PPWD1: variants seen among roughly 807,000 people sequenced by gnomAD.
PPWD1 encodes the protein peptidylprolyl isomerase domain and WD repeat containing 1.
Under a neutral mutation model 68.8 loss-of-function variants are expected in PPWD1, and 43 were observed. The observed-to-expected ratio is 0.62, with a 90% CI of 0.49 to 0.81. The LOEUF is 0.81. PPWD1 is among the 30% of genes least tolerant of loss of function. PPWD1 has a pLI of 0.00. For synonymous variants in PPWD1, 232 were observed against 258.7 expected (o/e 0.90, Z 0.99); for missense variants, 672 against 804.8 (o/e 0.83, Z 2.00).
intron 2 of PPWD1, 156 bp from the exon 3 acceptor site, chr5:65,569,476 G>T: frequency 1.3e-6 from 1 of 752,008 alleles, no homozygotes; most frequent in Non-Finnish European, 1.9e-6. Flanking sequence ...AAAATTTGCA[G>T]TGTTCTGTAA....
intron 1 of PPWD1, among the ~76,000 whole-genome samples, chr5:65,566,247 A>G (rs1316194362): frequency 1.3e-5 from 2 of 152,208 alleles, no homozygotes; most frequent in Admixed American, 6.5e-5. Context: ...GTACCAAGAC[A>G]GGCAGGCAGT....
At chr5:65,575,659 C>CTA (rs33916564) in intron 5 of PPWD1, among the ~76,000 whole-genome samples, 94,147 of 151,864 alleles carry the variant, frequency 0.62, 29,433 homozygotes, top group South Asian at 0.65. Context: ...AAGATCGTTA[C>CTA]TCTTTTGGAA....
rs757410553 is a variant in PPWD1 at position 65,587,447 on chromosome 5, A to G, written c.*51A>G. 1.5e-6 allele frequency: 2 copies of G among 1,355,542 alleles called. No homozygotes were observed. Among genetic ancestry groups the G allele is most frequent in the African/African-American group, 3.0e-5 (2 of 67,274 alleles). The allele number at this position is 1,355,542 out of a possible 1,614,324, so 84.0% of individuals were successfully genotyped here. A position where few individuals can be genotyped will look rare whatever the true frequency, so the allele number is the denominator to read the frequency against. On this transcript the variant is annotated 3_prime_UTR_variant, in exon 11 of 11. Coordinates refer to ENST00000261308, the MANE Select transcript of PPWD1 (RefSeq NM_015342.4). ...CAAATAAAAATACAATATTAAACAG[A>G]TTATTTTACATTAGGAAGCTTAGGA... is the stretch of plus-strand genomic sequence containing the variant.
chr5:65,563,748 AAACT>A, intron 1 of PPWD1: 1 of 1,448,880 alleles, frequency 6.9e-7, no homozygotes, highest in Non-Finnish European at 9.4e-7. Context: ...ACAGATGCTA[AAACT>A]AACATTTTCC....
intron 1 of PPWD1, chr5:65,563,943 A>C (rs922350812): frequency 2.8e-6 from 3 of 1,088,968 alleles, no homozygotes; most frequent in Non-Finnish European, 4.0e-6. Context: ...ATTTCGAATC[A>C]TGGTAGGTAA....
intron 1 of PPWD1, chr5:65,563,950 G>T (rs1752495368): frequency 9.5e-7 from 1 of 1,047,590 alleles, no homozygotes; most frequent in Non-Finnish European, 1.4e-6. Context: ...ATCATGGTAG[G>T]TAAAGATAAT....
At chr5:65,571,659 A>G (rs997904463) in intron 4 of PPWD1, 180 bp from the exon 5 acceptor site, 1 of 704,966 alleles carries the variant, frequency 1.4e-6, no homozygotes, top group South Asian at 6.4e-5. Flanking sequence ...GGTCAGAAAG[A>G]GAAAAAATAA....
At chr5:65,572,879 T>C (rs1393003701) in intron 5 of PPWD1, among the ~76,000 whole-genome samples, 1 of 152,232 alleles carries the variant, frequency 6.6e-6, no homozygotes, top group Non-Finnish European at 1.5e-5. Flanking sequence ...TTGCCTGACC[T>C]ATTACATGGC....
intron 1 of PPWD1, among the ~76,000 whole-genome samples, chr5:65,567,023 AAC>A (rs1752807547): frequency 6.6e-6 from 1 of 152,156 alleles, no homozygotes; most frequent in African/African-American, 2.4e-5. Flanking sequence ...AAATGTTTCA[AAC>A]ACAGTGTCAA....
intron 5 of PPWD1, among the ~76,000 whole-genome samples, chr5:65,573,458 A>G (rs1184960573): frequency 4.0e-5 from 3 of 75,576 alleles, no homozygotes; most frequent in African/African-American, 1.3e-4. Context: ...ACACTTAGCT[A>G]ATATATATAT....
At chr5:65,571,362 G>T (rs887596934) in intron 4 of PPWD1, among the ~76,000 whole-genome samples, 3 of 152,152 alleles carry the variant, frequency 2.0e-5, no homozygotes, top group Non-Finnish European at 1.5e-5. Context: ...AGTTAGTAAT[G>T]AGAGTGTTTT....
At chr5:65,579,319 T>C in intron 6 of PPWD1, 105 bp from the exon 7 acceptor site, 1 of 1,336,948 alleles carries the variant, frequency 7.5e-7, no homozygotes, top group Non-Finnish European at 9.7e-7. Flanking sequence ...ACTAGTTATT[T>C]TGTACATAGA....
At chr5:65,585,354 G>T (rs27139) in intron 9 of PPWD1, among the ~76,000 whole-genome samples, 94,241 of 151,940 alleles carry the variant, frequency 0.62, 29,486 homozygotes, top group South Asian at 0.65. Context: ...ATGAATAAAG[G>T]GTCATGCTGA....
chr5:65,571,703 GTC>G (rs1753010659), intron 4 of PPWD1, 134 bp from the exon 5 acceptor site: 2 of 1,379,084 alleles, frequency 1.5e-6, no homozygotes, highest in African/African-American at 2.9e-5. Context: ...CCCATTCTGT[GTC>G]TCTGCTACTT....
At chr5:65,570,713 C>T (rs1452398897) in intron 4 of PPWD1, among the ~76,000 whole-genome samples, 1 of 151,968 alleles carries the variant, frequency 6.6e-6, no homozygotes, top group Non-Finnish European at 1.5e-5. Context: ...TCTTACTTCT[C>T]CCTATGTTCT....
chr5:65,569,834 TA>T, intron 3 of PPWD1, 43 bp from the exon 4 acceptor site: 1 of 1,568,522 alleles, frequency 6.4e-7, no homozygotes, highest in Non-Finnish European at 8.7e-7. Context: ...ACACTTATTT[TA>T]CTGTTATTTA....
intron 9 of PPWD1, 112 bp downstream of exon 9, chr5:65,585,207 A>G (rs1056881681): frequency 9.0e-7 from 1 of 1,105,712 alleles, no homozygotes; most frequent in Non-Finnish European, 1.3e-6. Flanking sequence ...GTGGAAAGGA[A>G]CAGGAAAAAT....
chr5:65,576,258 G>A (rs1251768685), intron 5 of PPWD1: 2 of 906,084 alleles, frequency 2.2e-6, no homozygotes, highest in East Asian at 2.4e-4. Flanking sequence ...ATTGGAAAGT[G>A]CTACTCTGTG....
At chr5:65,564,808 A>G (rs967831727) in intron 1 of PPWD1, among the ~76,000 whole-genome samples, 2 of 152,064 alleles carry the variant, frequency 1.3e-5, no homozygotes, top group African/African-American at 4.8e-5. Flanking sequence ...TCCTACCCAG[A>G]TATGGTGTTT....
Sources: allele counts gnomAD v4.1 joint callset (sites outside exome capture counted in the v4.1 genomes callset), GRCh38; gene constraint gnomAD v4.1.1; transcripts MANE v1.5; gene names NCBI Gene and HGNC (gene_info 2026-07-23, HGNC 2026-07-21).